The following NSMCE2 variants were observed in gnomAD, a reference collection of about 807,000 sequenced individuals.
The protein encoded by NSMCE2 is E3 SUMO-protein ligase NSE2.
NSMCE2 carries 24 observed loss-of-function variants against 23.8 expected under a neutral mutation model. The ratio of observed to expected loss-of-function variants is 1.01; its 90% confidence interval spans 0.73 to 1.42. The LOEUF is 1.42. Ranked by LOEUF, NSMCE2 falls within the 40% of genes most tolerant of loss-of-function variation. NSMCE2 has a pLI of 0.00. For synonymous variants in NSMCE2, 92 were observed against 94.1 expected, an observed-to-expected ratio of 0.98 and a Z score of 0.13; for missense variants, 284 against 296.5, an observed-to-expected ratio of 0.96 and a Z score of 0.31.
At chr8:125,098,938 C>A (rs915784995) in intron 1 of NSMCE2, among the ~76,000 whole-genome samples, 3 of 152,066 alleles carry the variant, frequency 2.0e-5, no homozygotes, top group Non-Finnish European at 4.4e-5. Flanking sequence ...AAAGAGAGAT[C>A]AGAGCACTGA....
chr8:125,323,853 G>A (rs1177980266), intron 5 of NSMCE2, among the ~76,000 whole-genome samples: 1 of 152,164 alleles, frequency 6.6e-6, no homozygotes, highest in Non-Finnish European at 1.5e-5. Context: ...ACTCTTAGGA[G>A]AATGAAAGGC....
rs534767539 is a variant in NSMCE2, at chr8:125,262,036, G to A, written c.418+79780G>A. ...CACTGGAACCCAGGAGGTGGAGGTT[G>A]CAGTGAATTGAGATTGCACCGCTGC... On this transcript the variant is annotated intron_variant, in intron 5 of 7. Transcript: ENST00000287437. 2.0e-5 allele frequency among the ~76,000 whole-genome samples: 3 copies of A among 152,208 alleles called. No homozygotes were observed. In the East Asian group the frequency reaches 5.8e-4, roughly 29 times the overall value.
At chr8:125,343,500 G>A (rs1296878832) in intron 5 of NSMCE2, among the ~76,000 whole-genome samples, 5 of 152,174 alleles carry the variant, frequency 3.3e-5, no homozygotes, top group East Asian at 1.9e-4. Context: ...TTAGCCAGGC[G>A]TGTTGGCACG....
intron 4 of NSMCE2, among the ~76,000 whole-genome samples, chr8:125,165,450 G>T (rs1237526290): frequency 2.0e-5 from 3 of 152,184 alleles, no homozygotes; most frequent in African/African-American, 2.4e-5. Flanking sequence ...ATATATGGGA[G>T]AATTAAGGAA....
intron 5 of NSMCE2, among the ~76,000 whole-genome samples, chr8:125,297,447 A>G (rs73704916): frequency 0.031 from 4,771 of 152,266 alleles, 220 homozygotes; most frequent in African/African-American, 0.11. Context: ...AATGGGGGAA[A>G]TGGTTTCCTT....
chr8:125,196,407 A>G (rs1387290605), intron 5 of NSMCE2, among the ~76,000 whole-genome samples: 3 of 151,878 alleles, frequency 2.0e-5, no homozygotes, highest in Admixed American at 1.3e-4. Context: ...CCTGTGTCCA[A>G]GTGTTCTCAT....
chr8:125,328,658 A>G (rs904168033), intron 5 of NSMCE2, among the ~76,000 whole-genome samples: 4 of 152,174 alleles, frequency 2.6e-5, no homozygotes, highest in African/African-American at 7.2e-5. Context: ...CAAATTCTCA[A>G]TGTGTAGTGT....
chr8:125,352,480 A>G (rs918676041), intron 5 of NSMCE2, among the ~76,000 whole-genome samples: 19 of 152,140 alleles, frequency 1.2e-4, no homozygotes, highest in African/African-American at 4.3e-4. Context: ...CCATCTCAAA[A>G]AAAAAAAAAA....
intron 5 of NSMCE2, among the ~76,000 whole-genome samples, chr8:125,274,587 A>T (rs1363493967): frequency 1.3e-5 from 2 of 152,266 alleles, no homozygotes; most frequent in East Asian, 3.9e-4. Flanking sequence ...TTTTCTAGGT[A>T]GGAGAGATGC....
intron 4 of NSMCE2, among the ~76,000 whole-genome samples, chr8:125,152,427 C>A (rs1180062013): frequency 6.6e-6 from 1 of 152,166 alleles, no homozygotes; most frequent in Non-Finnish European, 1.5e-5. Flanking sequence ...AGGACTGGGA[C>A]ACTAGTATTT....
intron 5 of NSMCE2, among the ~76,000 whole-genome samples, chr8:125,308,161 G>A (rs990851871): frequency 7.9e-5 from 12 of 152,024 alleles, no homozygotes; most frequent in Admixed American, 7.2e-4. Flanking sequence ...CTCTTAGAAC[G>A]TGGTGCCATG....
chr8:125,182,755 G>A (rs1822890373), intron 5 of NSMCE2: 1 of 157,068 alleles, frequency 6.4e-6, no homozygotes, highest in South Asian at 2.0e-4. Context: ...TAAATTCCAT[G>A]TGGTTTTTAA....
chr8:125,226,493 A>G lies in NSMCE2; in HGVS notation c.418+44237A>G, dbSNP rs144667444. On this transcript the variant is annotated intron_variant, in intron 5 of 7. Transcript: ENST00000287437. ...GCTCTTCTTGCACTGTACCCCTCAT[A>G]TCTGCAGCCGGGATCAGTCAAGATC... 6.6e-3 allele frequency among the ~76,000 whole-genome samples: 1,009 copies of G among 152,270 alleles called. 8 individuals carry two copies. Among genetic ancestry groups the G allele is most frequent in the African/African-American group, 0.023 (975 of 41,552 alleles).
At chr8:125,182,048 T>C in intron 4 of NSMCE2, 55 bp from the exon 5 acceptor site, 1 of 1,312,088 alleles carries the variant, frequency 7.6e-7, no homozygotes. Flanking sequence ...TGCAAAACTT[T>C]GTTAACACTA....
At chr8:125,183,831 C>A (rs1822949108) in intron 5 of NSMCE2, among the ~76,000 whole-genome samples, 2 of 152,010 alleles carry the variant, frequency 1.3e-5, no homozygotes, top group Non-Finnish European at 2.9e-5. Context: ...CTTTCGATTT[C>A]TTGATTAAAA....
At chr8:125,153,278 T>G (rs1228958763) in intron 4 of NSMCE2, among the ~76,000 whole-genome samples, 2 of 152,304 alleles carry the variant, frequency 1.3e-5, no homozygotes, top group East Asian at 3.9e-4. Context: ...CTGGAACAAC[T>G]TGGATTTAGT....
Position 125,298,651 on chromosome 8 carries a change from T to A in NSMCE2, c.419-58568T>A, listed in dbSNP as rs146103919. 3.3e-5 allele frequency among the ~76,000 whole-genome samples: 5 copies of A among 152,148 alleles called. No homozygotes were observed. In the East Asian group the frequency reaches 9.6e-4, roughly 29 times the overall value. The stretch of plus-strand genomic sequence containing the variant: ...GAATACCATTGAACGTGACCAGTGG[T>A]TCTTAACAGGGATTGCATATCAAAT... On this transcript the variant is annotated intron_variant, in intron 5 of 7. Transcript: ENST00000287437.
At chr8:125,152,815 T>C (rs1368603138) in intron 4 of NSMCE2, among the ~76,000 whole-genome samples, 1 of 152,080 alleles carries the variant, frequency 6.6e-6, no homozygotes, top group Non-Finnish European at 1.5e-5. Flanking sequence ...CTCAGCACTT[T>C]GGGAGGCCGA....
intron 5 of NSMCE2, among the ~76,000 whole-genome samples, chr8:125,282,110 C>G (rs1440504353): frequency 6.7e-6 from 1 of 149,164 alleles, no homozygotes; most frequent in African/African-American, 2.5e-5. Flanking sequence ...TAATGTCATC[C>G]CTTAATTTTT....
Sources: allele counts gnomAD v4.1 joint callset (sites outside exome capture counted in the v4.1 genomes callset), GRCh38; gene constraint gnomAD v4.1.1; transcripts MANE v1.5; gene names NCBI Gene and HGNC (gene_info 2026-07-23, HGNC 2026-07-21).